The following CROCC2 variants were observed in gnomAD, a reference collection of about 807,000 sequenced individuals.
CROCC2 encodes ciliary rootlet coiled-coil protein 2.
A neutral mutation model predicts 177.6 loss-of-function variants in CROCC2; 163 were observed. The ratio of observed to expected loss-of-function variants is 0.92; its 90% CI spans 0.81 to 1.05. The LOEUF is 1.05. Ranked by LOEUF, CROCC2 falls within the 50% of genes least tolerant of loss-of-function variation. CROCC2 has a pLI of 0.00. For synonymous variants in CROCC2, 904 were observed against 787.3 expected (o/e 1.15, Z -2.48); for missense variants, 1,929 against 1,797.8 (o/e 1.07, Z -1.32).
intron 7 of CROCC2, 141 bp from the exon 8 acceptor site, chr2:240,932,177 C>T (rs753499772): frequency 1.5e-5 from 9 of 611,202 alleles, no homozygotes; most frequent in South Asian, 1.2e-4. Flanking sequence ...AGACCAGGGA[C>T]AGAGGCCACT....
chr2:240,935,830 C>G (rs1325076340), intron 14 of CROCC2, among the ~76,000 whole-genome samples: 1 of 152,222 alleles, frequency 6.6e-6, no homozygotes, highest in Non-Finnish European at 1.5e-5. Context: ...GGCAGGGGAG[C>G]CCGGGCCTCA....
At chr2:240,965,335 C>T in intron 22 of CROCC2, 46 bp from the exon 23 acceptor site, 4 of 1,544,538 alleles carry the variant, frequency 2.6e-6, no homozygotes, top group Non-Finnish European at 1.7e-6. Flanking sequence ...GCCTGGGTTC[C>T]AGCACAGAGA....
chr2:240,983,056 C>T (rs757735617), intron 28 of CROCC2, 27 bp downstream of exon 28: 121 of 1,545,188 alleles, frequency 7.8e-5, no homozygotes, highest in Admixed American at 4.2e-4. Flanking sequence ...GGGCAGGGTA[C>T]GCTGTCACCA....
At chr2:240,947,266 C>T (rs1226117655) in intron 15 of CROCC2, among the ~76,000 whole-genome samples, 1 of 152,246 alleles carries the variant, frequency 6.6e-6, no homozygotes, top group African/African-American at 2.4e-5. Context: ...GGTTGGGCTC[C>T]TGCCCATGCT....
chr2:240,942,015 G>A (rs1339052797), intron 14 of CROCC2, among the ~76,000 whole-genome samples: 1 of 152,238 alleles, frequency 6.6e-6, no homozygotes, highest in Non-Finnish European at 1.5e-5. Context: ...CACAGCCTTG[G>A]AAGCAGAGAG....
chr2:240,985,860 C>T (rs1393272028), intron 28 of CROCC2: 3 of 422,810 alleles, frequency 7.1e-6, no homozygotes, highest in African/African-American at 4.1e-5. Flanking sequence ...GGTCTCACTG[C>T]CCCCCACAGC....
chr2:240,961,802 T>TC lies in CROCC2; in HGVS notation c.3088-1754_3088-1753insC, dbSNP rs2059638469. On this transcript the variant is annotated intron_variant, in intron 20 of 31. Coordinates refer to ENST00000690015, the MANE Select transcript of CROCC2 (RefSeq NM_001351305.2). ...CTCATCACACACACGCACTCACACA[T>TC]ACACTCACATACACTCACACACACG... Among the ~76,000 whole-genome samples the TC allele has an allele frequency of 1.7e-4, 3 of 17,776 alleles. 1 individual carries two copies. Among genetic ancestry groups the TC allele is most frequent in the Non-Finnish European group, 3.1e-4 (3 of 9,798 alleles). The allele number at this position is 17,776 out of a possible 152,430, so 11.7% of individuals were successfully genotyped here.
At position 240,925,801 on chromosome 2, in the gene CROCC2, G is replaced by A; in HGVS notation, c.566G>A (p.Gly189Asp). Residue 189 changes from glycine to aspartate, a missense_variant, in exon 5 of 32, where the codon GGC (glycine) becomes GAC (aspartate). Transcript: ENST00000690015. ...ATGAAGAAGGCCAATGACGCGCTGGGCCGGGAGCTGGCCGGGATGACGGGC... is the reference window on the plus strand; with the variant it reads ...ATGAAGAAGGCCAATGACGCGCTGGACCGGGAGCTGGCCGGGATGACGGGC... Reference protein sequence around the residue: ...EHMKKANDALGRELAGMTGSV... With the variant: ...EHMKKANDALDRELAGMTGSV... 1 of 716,984 alleles carries A rather than the reference G, an allele frequency of 1.4e-6. No homozygotes were observed. Among genetic ancestry groups the A allele is most frequent in the Non-Finnish European group, 2.6e-6 (1 of 384,928 alleles). 44.4% of individuals were successfully genotyped at this position (716,984 alleles called of 1,614,324 possible). A position where few individuals can be genotyped will look rare whatever the true frequency, so the allele number is the denominator to read the frequency against.
chr2:240,920,420 A>G (rs1247005371), intron 3 of CROCC2, among the ~76,000 whole-genome samples: 1 of 152,150 alleles, frequency 6.6e-6, no homozygotes, highest in Non-Finnish European at 1.5e-5. Context: ...TTAGGCACTG[A>G]CTTGTCCCCG....
At chr2:240,943,165 G>A (rs1045738844) in intron 14 of CROCC2, among the ~76,000 whole-genome samples, 4 of 151,840 alleles carry the variant, frequency 2.6e-5, no homozygotes, top group South Asian at 2.1e-4. Context: ...ACATGACCAC[G>A]CCCAGCTAAT....
rs142405642 is a variant in CROCC2, at chr2:240,925,823, G to A, written c.588G>A (p.Thr196=). Residue 196 remains threonine, a synonymous_variant, in exon 5 of 32, where the codon ACG becomes ACA. Coordinates refer to ENST00000690015, the MANE Select transcript of CROCC2 (RefSeq NM_001351305.2). ...TGGGCCGGGAGCTGGCCGGGATGAC[G>A]GGCAGCGTGCAGCGCCTGCAGGGCG... ...DALGRELAGM[T]GSVQRLQGEL... is the part of the protein sequence containing the mutation. The A allele has an allele frequency of 5.8e-4, 416 of 716,594 alleles. 2 individuals carry two copies. Among genetic ancestry groups the A allele is most frequent in the Middle Eastern group, 1.2e-3 (5 of 4,066 alleles). 44.4% of individuals were successfully genotyped at this position (716,594 alleles called of 1,614,324 possible). A position where few individuals can be genotyped will look rare whatever the true frequency, so the allele number is the denominator to read the frequency against.
At chr2:240,951,268 C>T (rs939506005) in intron 18 of CROCC2, among the ~76,000 whole-genome samples, 8 of 151,222 alleles carry the variant, frequency 5.3e-5, no homozygotes, top group South Asian at 2.1e-4. Context: ...TTCATCCATC[C>T]GTCTGTCCAT....
At chr2:240,916,970 TCCCAGCTGGG>T (rs1158399096) in intron 1 of CROCC2, among the ~76,000 whole-genome samples, 1 of 151,960 alleles carries the variant, frequency 6.6e-6, no homozygotes, top group Admixed American at 6.6e-5. Context: ...GGCACCTGGG[TCCCAGCTGGG>T]CCCAGGAGGA....
At position 240,973,620 on chromosome 2, in the gene CROCC2, G is replaced by A. The variant is rs2059738461; in HGVS notation, c.4401+5358G>A. Among the ~76,000 whole-genome samples the A allele has an allele frequency of 6.6e-6, 1 of 152,080 alleles. No individual in the cohort carries two copies. Among genetic ancestry groups the A allele is most frequent in the East Asian group, 1.9e-4 (1 of 5,194 alleles). On this transcript the variant is annotated intron_variant, in intron 27 of 31. Coordinates refer to ENST00000690015, the MANE Select transcript of CROCC2 (RefSeq NM_001351305.2). This position sits in a 1 kb window ranked among gnomAD's most constrained non-coding sequence, Gnocchi z 4.7. ...CCTGTGGGGGCTCAACTCAGCGTCA[G>A]TCACAGGTTCTAAAAGTTTCCGGGG...
intron 14 of CROCC2, among the ~76,000 whole-genome samples, chr2:240,941,948 G>A (rs2059497244): frequency 1.3e-5 from 2 of 152,158 alleles, no homozygotes; most frequent in Admixed American, 6.5e-5. Flanking sequence ...TTTCCCTTAT[G>A]CCTTCCACCA....
chr2:240,930,975 G>T lies in CROCC2; in HGVS notation c.794G>T (p.Arg265Leu). The T allele has an allele frequency of 1.4e-6, 1 of 715,414 alleles. No individual in the cohort carries two copies. 44.3% of individuals were successfully genotyped at this position (715,414 alleles called of 1,614,324 possible). A position where few individuals can be genotyped will look rare whatever the true frequency, so the allele number is the denominator to read the frequency against. ...GCAGACACGGCCAGGACAGCCCGCC[G>T]CCTGCACACCGCCTGCCTGAACCTC... ...LQADTARTAR[R>L]LHTACLNLDS... Residue 265 changes from arginine to leucine, a missense_variant, in exon 7 of 32, where the codon CGC becomes CTC. Arg to Leu is a moderately radical substitution (Grantham distance 102). Coordinates refer to ENST00000690015, the MANE Select transcript of CROCC2 (RefSeq NM_001351305.2).
Position 240,935,038 on chromosome 2 carries a change from T to G in CROCC2, c.1914T>G (p.Ser638Arg). The change falls in exon 13 of 32, where the codon AGT becomes AGG. Residue 638 changes from serine to arginine, a missense_variant. This residue lies in a region of CROCC2 where 1,397 missense variants were observed against 1,239.9 expected (regional missense o/e 1.13). Coordinates refer to ENST00000690015, the MANE Select transcript of CROCC2 (RefSeq NM_001351305.2). Reference sequence around the variant, plus strand: ...TGGAGGGGTTGGCTCAGGACAAAAGTGCCCTGAACCACCTGGCTCTCCAGG... The same window carrying G: ...TGGAGGGGTTGGCTCAGGACAAAAGGGCCCTGAACCACCTGGCTCTCCAGG... ...ALMEGLAQDK[S>R]ALNHLALQLE... The G allele has an allele frequency of 7.2e-7, 1 of 1,385,160 alleles. No individual in the cohort carries two copies. The highest frequency in any genetic ancestry group is 9.4e-7 in the Non-Finnish European group (1 of 1,062,968). The allele number at this position is 1,385,160 out of a possible 1,614,324, so 85.8% of individuals were successfully genotyped here.
chr2:240,941,727 A>G (rs1032212084), intron 14 of CROCC2, among the ~76,000 whole-genome samples: 1 of 151,888 alleles, frequency 6.6e-6, no homozygotes, highest in Non-Finnish European at 1.5e-5. Flanking sequence ...TACTTCACAA[A>G]CAATGTAAGA....
chr2:240,959,530 G>T (rs10179839), intron 20 of CROCC2, 86 bp downstream of exon 20: 872,344 of 1,441,516 alleles, frequency 0.61, 267,802 homozygotes, highest in Non-Finnish European at 0.63. Flanking sequence ...GAGTGGGGGT[G>T]CCAGGAGGAA....
Sources: gnomAD v4.1 joint callset for allele counts (sites outside exome capture counted in the v4.1 genomes callset) on GRCh38, gnomAD v4.1.1 for gene constraint, gnomAD v4.1.1 regional missense constraint, Gnocchi (gnomAD v3.1) non-coding constraint, MANE v1.5 for transcripts, NCBI Gene and HGNC (gene_info 2026-07-23, HGNC 2026-07-21) for gene names.